Variants in GSG1L observed in about 807,000 individuals in gnomAD.
GSG1L encodes the protein GSG1 like, also known as germ cell-specific gene 1-like protein.
In GSG1L, 24 loss-of-function variants were observed where a neutral mutation model predicts 42.1. The observed-to-expected ratio is 0.57, with a 90% CI of 0.41 to 0.80. The LOEUF (loss-of-function observed/expected upper bound fraction) is 0.80, where lower values mean the gene tolerates loss of function less well. GSG1L is among the 30% of genes least tolerant of loss of function. The pLI is 0.00. For synonymous variants in GSG1L, 215 were observed against 203.5 expected (o/e 1.06, Z -0.48); for missense variants, 445 against 472.2 (o/e 0.94, Z 0.53).
At chr16:27,873,487 C>T (rs1192444225) in intron 3 of GSG1L, among the ~76,000 whole-genome samples, 1 of 152,150 alleles carries the variant, frequency 6.6e-6, no homozygotes, top group Non-Finnish European at 1.5e-5. Context: ...CTTTTAGACC[C>T]AAGGATTTCA....
intron 1 of GSG1L, among the ~76,000 whole-genome samples, chr16:28,037,741 A>G (rs2086057287): frequency 6.6e-6 from 1 of 152,188 alleles, no homozygotes; most frequent in Admixed American, 6.5e-5. Context: ...CAATGGACCA[A>G]AGTCCCATGG....
intron 2 of GSG1L, among the ~76,000 whole-genome samples, chr16:27,903,368 C>T (rs1303866730): frequency 6.6e-6 from 1 of 152,106 alleles, no homozygotes; most frequent in Non-Finnish European, 1.5e-5. Context: ...TGTGGGGAGA[C>T]TTCTGCAGGG....
intron 5 of GSG1L, among the ~76,000 whole-genome samples, chr16:27,812,027 C>T (rs547083259): frequency 2.3e-4 from 35 of 152,300 alleles, no homozygotes; most frequent in African/African-American, 8.2e-4. Context: ...TGCTGGGAGC[C>T]TCAGCCTTGG....
At chr16:28,058,408 C>T (rs1181702448) in intron 1 of GSG1L, among the ~76,000 whole-genome samples, 17 of 152,098 alleles carry the variant, frequency 1.1e-4, no homozygotes, top group Non-Finnish European at 1.5e-5. Flanking sequence ...GCAAGCGGAT[C>T]GCTTGAGGCC....
chr16:27,788,390 C>T lies in GSG1L; in HGVS notation c.*2980G>A, dbSNP rs2082715067. Reference sequence around the variant, plus strand: ...TCTTCCTCAAATGTACACCCAGGCGCATCCCAGTCTGCTAAAAGCATCTCA... The same window carrying T: ...TCTTCCTCAAATGTACACCCAGGCGTATCCCAGTCTGCTAAAAGCATCTCA... On this transcript the variant is annotated 3_prime_UTR_variant, in exon 7 of 7. Coordinates refer to ENST00000447459, the MANE Select transcript of GSG1L (RefSeq NM_001109763.2). 1 of 152,230 alleles carries T rather than the reference C, an allele frequency of 6.6e-6. No homozygotes were observed. The allele number at this position is 152,230 out of a possible 1,614,324, so 9.4% of individuals were successfully genotyped here.
At chr16:27,946,401 C>A (rs78039572) in intron 2 of GSG1L, among the ~76,000 whole-genome samples, 1 of 151,402 alleles carries the variant, frequency 6.6e-6, no homozygotes, top group Non-Finnish European at 1.5e-5. Context: ...AAAAATTAGC[C>A]GGGTGTGGTG....
At chr16:27,818,505 G>T (rs1245446380) in intron 5 of GSG1L, among the ~76,000 whole-genome samples, 1 of 152,088 alleles carries the variant, frequency 6.6e-6, no homozygotes, top group South Asian at 2.1e-4. Context: ...CCAACACTGG[G>T]TGATGGCGTG....
At chr16:27,873,927 T>A (rs1459185275) in intron 3 of GSG1L, among the ~76,000 whole-genome samples, 1 of 152,146 alleles carries the variant, frequency 6.6e-6, no homozygotes, top group Non-Finnish European at 1.5e-5. Context: ...CCCAGCCCTA[T>A]TGCAAATGCT....
At chr16:28,002,937 G>GAA (rs149096202) in intron 1 of GSG1L, among the ~76,000 whole-genome samples, 1 of 151,582 alleles carries the variant, frequency 6.6e-6, no homozygotes, top group African/African-American at 2.4e-5. Context: ...CTCCGTCTCA[G>GAA]AAAAAAAAGA....
At chr16:28,012,067 C>A (rs1236252778) in intron 1 of GSG1L, among the ~76,000 whole-genome samples, 2 of 152,096 alleles carry the variant, frequency 1.3e-5, no homozygotes, top group Non-Finnish European at 2.9e-5. Context: ...AACTCCCTGA[C>A]ACCCCCAAGC....
At chr16:27,826,171 C>T (rs146088367) in intron 5 of GSG1L, among the ~76,000 whole-genome samples, 17 of 152,210 alleles carry the variant, frequency 1.1e-4, no homozygotes, top group African/African-American at 2.6e-4. Flanking sequence ...AAGGTGGGGA[C>T]GCACTTGGAG....
chr16:27,810,607 G>A lies in GSG1L; in HGVS notation c.831-3053C>T, dbSNP rs561682364. On this transcript the variant is annotated intron_variant, in intron 5 of 6. Coordinates refer to ENST00000447459, the MANE Select transcript of GSG1L (RefSeq NM_001109763.2). ...ATCTCCTGTGGCCTGAGTGGCCCTA[G>A]GCACCAAACCAAAAGAATGAGTGTT... Among the ~76,000 whole-genome samples, 5 of 152,250 alleles carry A rather than the reference G, an allele frequency of 3.3e-5. No individual in the cohort carries two copies. In the South Asian group the frequency reaches 8.3e-4, roughly 25 times the overall value.
At chr16:28,012,207 C>T (rs1462081560) in intron 1 of GSG1L, among the ~76,000 whole-genome samples, 5 of 152,298 alleles carry the variant, frequency 3.3e-5, no homozygotes, top group African/African-American at 1.2e-4. Flanking sequence ...CCACCCCTCC[C>T]CTAGGCTGAG....
At chr16:27,986,801 T>C (rs1321479082) in intron 1 of GSG1L, among the ~76,000 whole-genome samples, 2 of 152,250 alleles carry the variant, frequency 1.3e-5, no homozygotes, top group African/African-American at 4.8e-5. Context: ...TTCACATCTG[T>C]AAGTATTAGG....
chr16:28,026,824 G>A (rs2085906016), intron 1 of GSG1L, among the ~76,000 whole-genome samples: 1 of 152,240 alleles, frequency 6.6e-6, no homozygotes, highest in African/African-American at 2.4e-5. Context: ...GCTCATGCCT[G>A]TAATCCCAAC....
chr16:27,998,819 C>A (rs962782793), intron 1 of GSG1L, among the ~76,000 whole-genome samples: 4 of 150,856 alleles, frequency 2.7e-5, no homozygotes, highest in South Asian at 4.2e-4. Context: ...AAAAAAAAAA[C>A]AACCCAAGGC....
In GSG1L at chr16:27,865,566, TATATATACACACAC is replaced by T. The variant is rs1373365591; in HGVS notation, c.550+18906_550+18919del. The stretch of plus-strand genomic sequence containing the variant: ...ATATATATATATATATATATATATA[TATATATACACACAC>T]ACATACATACATACACACACATATA... On this transcript the variant is annotated intron_variant, in intron 3 of 6. Coordinates refer to ENST00000447459, the MANE Select transcript of GSG1L (RefSeq NM_001109763.2). Among the ~76,000 whole-genome samples the T allele has an allele frequency of 5.2e-3, 99 of 19,140 alleles. 4 individuals carry two copies. The highest frequency in any genetic ancestry group is 0.041 in the African/African-American group (93 of 2,282). 12.6% of individuals were successfully genotyped at this position (19,140 alleles called of 152,430 possible). A position where few individuals can be genotyped will look rare whatever the true frequency, so the allele number is the denominator to read the frequency against.
At chr16:27,825,753 C>G (rs1469839453) in intron 5 of GSG1L, among the ~76,000 whole-genome samples, 1 of 132,352 alleles carries the variant, frequency 7.6e-6, no homozygotes, top group East Asian at 2.2e-4. Flanking sequence ...GGGGACAGTA[C>G]CCCTAATAAT....
intron 1 of GSG1L, among the ~76,000 whole-genome samples, chr16:27,986,670 G>A (rs1428010042): frequency 6.6e-6 from 1 of 152,178 alleles, no homozygotes; most frequent in Non-Finnish European, 1.5e-5. Context: ...TTGCAGTGAG[G>A]TACACTGTCC....
Sources: allele counts gnomAD v4.1 joint callset (sites outside exome capture counted in the v4.1 genomes callset), GRCh38; gene constraint gnomAD v4.1.1; transcripts MANE v1.5; gene names NCBI Gene and HGNC (gene_info 2026-07-23, HGNC 2026-07-21).